Variants in GRM1 observed in about 807,000 individuals in gnomAD.
The protein encoded by GRM1 is glutamate metabotropic receptor 1, also known as metabotropic glutamate receptor 1.
In GRM1, 33 loss-of-function variants were observed where a neutral mutation model predicts 90.9. The ratio of observed to expected loss-of-function variants is 0.36; its 90% CI spans 0.28 to 0.49. The LOEUF (loss-of-function observed/expected upper bound fraction) is 0.49, where lower values mean the gene tolerates loss of function less well. Ranked by LOEUF, GRM1 falls within the 20% of genes least tolerant of loss-of-function variation. The pLI, the probability that GRM1 is intolerant of heterozygous loss-of-function variation, is 0.99. For synonymous variants in GRM1, 700 were observed against 613.2 expected (o/e 1.14, Z -2.09); for missense variants, 1,190 against 1,534.3 (o/e 0.78, Z 3.75).
intron 6 of GRM1, among the ~76,000 whole-genome samples, chr6:146,390,441 G>A (rs1043623006): frequency 1.3e-5 from 2 of 151,716 alleles, no homozygotes; most frequent in African/African-American, 4.8e-5. Flanking sequence ...TACAAAAACA[G>A]GGATCTTTTC....
At chr6:146,291,963 A>G (rs961290726) in intron 2 of GRM1, among the ~76,000 whole-genome samples, 4 of 152,054 alleles carry the variant, frequency 2.6e-5, no homozygotes, top group Non-Finnish European at 4.4e-5. Context: ...GCATAAGGAC[A>G]GATATTAACA....
intron 1 of GRM1, among the ~76,000 whole-genome samples, chr6:146,142,892 T>C (rs1776940641): frequency 6.6e-6 from 1 of 152,174 alleles, no homozygotes; most frequent in Non-Finnish European, 1.5e-5. Flanking sequence ...TAACCCACTG[T>C]GGCCAAGCTG....
intron 1 of GRM1, among the ~76,000 whole-genome samples, chr6:146,090,947 G>A (rs1284637578): frequency 6.6e-6 from 1 of 151,968 alleles, no homozygotes; most frequent in Non-Finnish European, 1.5e-5. Flanking sequence ...ACCAAAAAGA[G>A]CATACAGGAG....
intron 5 of GRM1, among the ~76,000 whole-genome samples, chr6:146,375,014 T>C (rs1179016487): frequency 6.6e-6 from 1 of 152,062 alleles, no homozygotes; most frequent in Non-Finnish European, 1.5e-5. Context: ...AGCTATAAAC[T>C]TCCCTCTTAA....
At chr6:146,344,109 G>A (rs1372803340) in intron 3 of GRM1, among the ~76,000 whole-genome samples, 1 of 152,090 alleles carries the variant, frequency 6.6e-6, no homozygotes, top group Non-Finnish European at 1.5e-5. Flanking sequence ...CCCTTTCCCT[G>A]TACCACATGG....
chr6:146,168,890 G>C (rs1257099441), intron 2 of GRM1, among the ~76,000 whole-genome samples: 1 of 151,982 alleles, frequency 6.6e-6, no homozygotes, highest in African/African-American at 2.4e-5. Flanking sequence ...CTTATCACTA[G>C]TATTGAGTCA....
intron 1 of GRM1, among the ~76,000 whole-genome samples, chr6:146,120,269 A>G (rs900102314): frequency 6.6e-6 from 1 of 152,034 alleles, no homozygotes; most frequent in Non-Finnish European, 1.5e-5. Flanking sequence ...AATGCTTGTG[A>G]TTTTTCCACA....
intron 1 of GRM1, among the ~76,000 whole-genome samples, chr6:146,114,059 C>T (rs1373759667): frequency 6.6e-6 from 1 of 152,032 alleles, no homozygotes; most frequent in Admixed American, 6.6e-5. Flanking sequence ...TTTGTTGACA[C>T]GTGTTGAAAT....
At position 146,362,666 on chromosome 6, in the gene GRM1, A is replaced by C. The variant is rs79989511; in HGVS notation, c.1602+4972A>C. On this transcript the variant is annotated intron_variant, in intron 5 of 7. Coordinates refer to ENST00000282753, the MANE Select transcript of GRM1 (RefSeq NM_001278064.2). ...GGTGACAGAGCGAGACTCCATCTCA[A>C]AAAAAAAAAAAAAAAAAAAAGACAT... Among the ~76,000 whole-genome samples the C allele has an allele frequency of 4.1e-3, 320 of 77,484 alleles. 5 individuals carry two copies. Among genetic ancestry groups the C allele is most frequent in the African/African-American group, 0.017 (234 of 13,558 alleles). The allele number at this position is 77,484 out of a possible 152,430, so 50.8% of individuals were successfully genotyped here. A position where few individuals can be genotyped will look rare whatever the true frequency, so the allele number is the denominator to read the frequency against.
chr6:146,175,748 GA>G lies in GRM1; in HGVS notation c.950+16161del, dbSNP rs977300911. ...CTTCATGCACAATTCATATGGTAAG[GA>G]AAAAAAAAAGATGTATATGCTATAC... On this transcript the variant is annotated intron_variant, in intron 2 of 7. Transcript: ENST00000282753. Among the ~76,000 whole-genome samples the G allele has an allele frequency of 1.8e-4, 26 of 146,996 alleles. 1 individual carries two copies. Among genetic ancestry groups the G allele is most frequent in the East Asian group, 9.9e-4 (5 of 5,062 alleles).
At chr6:146,288,081 A>G (rs1327717387) in intron 2 of GRM1, among the ~76,000 whole-genome samples, 1 of 152,234 alleles carries the variant, frequency 6.6e-6, no homozygotes, top group East Asian at 1.9e-4. Context: ...GTACTTGGTC[A>G]ATGAGCAGAG....
chr6:146,124,191 G>A (rs576192199), intron 1 of GRM1, among the ~76,000 whole-genome samples: 27 of 152,230 alleles, frequency 1.8e-4, no homozygotes, highest in African/African-American at 6.0e-4. Flanking sequence ...TAAGTGATTT[G>A]AACAATGTAA....
chr6:146,179,828 C>T (rs1778478867), intron 2 of GRM1, among the ~76,000 whole-genome samples: 1 of 151,702 alleles, frequency 6.6e-6, no homozygotes, highest in African/African-American at 2.4e-5. Flanking sequence ...AACTCAGAAC[C>T]TTTAATTTTT....
intron 1 of GRM1, among the ~76,000 whole-genome samples, chr6:146,149,287 A>G (rs576709488): frequency 3.7e-4 from 57 of 152,328 alleles, no homozygotes; most frequent in African/African-American, 1.3e-3. Flanking sequence ...TGTGGCAGAA[A>G]GTCATGGACA....
chr6:146,170,913 C>T (rs948750174), intron 2 of GRM1, among the ~76,000 whole-genome samples: 8 of 151,906 alleles, frequency 5.3e-5, no homozygotes, highest in African/African-American at 1.9e-4. Context: ...AATCCTGTTC[C>T]TCTTCTCTGG....
intron 5 of GRM1, among the ~76,000 whole-genome samples, chr6:146,375,132 C>G (rs544187906): frequency 3.9e-5 from 6 of 152,014 alleles, no homozygotes; most frequent in Non-Finnish European, 8.8e-5. Flanking sequence ...TATTGACCCA[C>G]TAGTCATTCA....
At chr6:146,296,225 A>C (rs1242830995) in intron 2 of GRM1, among the ~76,000 whole-genome samples, 1 of 152,112 alleles carries the variant, frequency 6.6e-6, no homozygotes, top group Non-Finnish European at 1.5e-5. Context: ...ATTCCTCTAG[A>C]TATATACCCA....
intron 2 of GRM1, among the ~76,000 whole-genome samples, chr6:146,245,096 A>G (rs574699756): frequency 5.9e-5 from 9 of 152,200 alleles, no homozygotes; most frequent in Non-Finnish European, 1.2e-4. Context: ...TGCAGTCCCT[A>G]TGCCCTGTTT....
Position 146,400,298 on chromosome 6 carries a change from T to A in GRM1, c.2660+599T>A, listed in dbSNP as rs369423165. 6.6e-5 allele frequency among the ~76,000 whole-genome samples: 10 copies of A among 152,312 alleles called. No individual in the cohort carries two copies. The East Asian group carries it at 1.9e-3, about 29-fold the overall frequency. On this transcript the variant is annotated intron_variant, in intron 7 of 7. Coordinates refer to ENST00000282753, the MANE Select transcript of GRM1 (RefSeq NM_001278064.2). ...ATCTCTCTTATTTATTGAACTGGAA[T>A]GTACATTGTAATAAACATGTTCCAC...
Sources: allele counts gnomAD v4.1 joint callset (sites outside exome capture counted in the v4.1 genomes callset), GRCh38; gene constraint gnomAD v4.1.1; transcripts MANE v1.5; gene names NCBI Gene and HGNC (gene_info 2026-07-23, HGNC 2026-07-21).